ESPNL: variants seen among roughly 807,000 people sequenced by gnomAD.
The protein encoded by ESPNL is espin like, also known as espin-like protein.
A neutral mutation model predicts 46.8 loss-of-function variants in ESPNL; 49 were observed. The ratio of observed to expected loss-of-function variants is 1.05; its 90% CI spans 0.83 to 1.33. The LOEUF (loss-of-function observed/expected upper bound fraction) is 1.33, where lower values mean the gene tolerates loss of function less well. Ranked by LOEUF, ESPNL falls within the 40% of genes most tolerant of loss-of-function variation. The probability of loss-of-function intolerance (pLI) is 0.00; values close to 1 mark genes in which losing one functional copy is unlikely to be tolerated. For missense variants in ESPNL, 1,540 were observed against 1,436.6 expected, an observed-to-expected ratio of 1.07 and a Z score of -1.16; for synonymous variants, 664 against 662.1, an observed-to-expected ratio of 1.00 and a Z score of -0.04.
At chr2:238,124,599 ACGTGTGTGTGCAGGAGGGTACATG>A (rs1285773669) in intron 5 of ESPNL, among the ~76,000 whole-genome samples, 1 of 149,000 alleles carries the variant, frequency 6.7e-6, no homozygotes. Flanking sequence ...AGGAGAGTGT[ACGTGTGTGTGCAGGAGGGTACATG>A]CGTGTGTGTG....
At chr2:238,105,138 A>T (rs1026233116) in intron 3 of ESPNL, among the ~76,000 whole-genome samples, 5 of 152,136 alleles carry the variant, frequency 3.3e-5, no homozygotes, top group Non-Finnish European at 4.4e-5. Flanking sequence ...GTGCTCTCAC[A>T]GTTGGTGGTG....
At position 238,129,687 on chromosome 2, in the gene ESPNL, G is replaced by A. The variant is rs544771954; in HGVS notation, c.1414-441G>A. ...CAAGATGATTGAGTTCTGTGCCCCC[G>A]GCCCAGCGCTGTGTCCAGCGCAATC... On this transcript the variant is annotated intron_variant, in intron 8 of 8. Transcript: ENST00000343063. 3.9e-4 allele frequency among the ~76,000 whole-genome samples: 60 copies of A among 152,354 alleles called. 1 individual carries two copies. The highest frequency in any genetic ancestry group is 1.0e-3 in the African/African-American group (42 of 41,572).
chr2:238,100,615 C>A lies in ESPNL; in HGVS notation c.196C>A (p.Arg66=). 1 of 1,501,186 alleles carries A rather than the reference C, an allele frequency of 6.7e-7. No individual in the cohort carries two copies. The highest frequency in any genetic ancestry group is 1.3e-5 in the South Asian group (1 of 75,378). 93.0% of individuals were successfully genotyped at this position (1,501,186 alleles called of 1,614,324 possible). ...VQRAQLPGNQ[R]AHNGATPAHD... ...GCGGGCCCAGCTGCCCGGCAACCAGCGGGCCCACAACGGGGCCACCCCAGC... is the reference window on the plus strand; with the variant it reads ...GCGGGCCCAGCTGCCCGGCAACCAGAGGGCCCACAACGGGGCCACCCCAGC... Residue 66 remains arginine (R), a synonymous_variant, in exon 1 of 9, where the codon CGG becomes AGG. Coordinates refer to ENST00000343063, the MANE Select transcript of ESPNL (RefSeq NM_194312.4).
intron 4 of ESPNL, 23 bp from the exon 5 acceptor site, chr2:238,116,880 C>T (rs765945041): frequency 1.2e-6 from 2 of 1,610,170 alleles, no homozygotes; most frequent in East Asian, 2.2e-5. Context: ...TGGTGGGTCA[C>T]ATGTGTGCCC....
At chr2:238,104,431 C>T (rs1256102125) in intron 2 of ESPNL, among the ~76,000 whole-genome samples, 1 of 152,208 alleles carries the variant, frequency 6.6e-6, no homozygotes, top group African/African-American at 2.4e-5. Context: ...GTGTTTCAGA[C>T]CTGGACCCAG....
intron 5 of ESPNL, among the ~76,000 whole-genome samples, chr2:238,120,615 G>A (rs994463818): frequency 6.6e-5 from 10 of 152,350 alleles, no homozygotes; most frequent in East Asian, 5.8e-4. Context: ...ACCCAACCCC[G>A]GGGCCTTCCC....
chr2:238,101,928 C>G lies in ESPNL; in HGVS notation c.295-13C>G. On this transcript the variant is annotated splice_polypyrimidine_tract_variant and intron_variant, in intron 1 of 8. Coordinates refer to ENST00000343063, the MANE Select transcript of ESPNL (RefSeq NM_194312.4). ...CCTACCCCCCACTCACTGACCTACC[C>G]GGGGCTTGGTAGGACCAAGATGCCT... 5 of 1,599,860 alleles carry G rather than the reference C, an allele frequency of 3.1e-6. No individual in the cohort carries two copies. Among genetic ancestry groups the G allele is most frequent in the Non-Finnish European group, 4.3e-6 (5 of 1,175,266 alleles).
intron 5 of ESPNL, among the ~76,000 whole-genome samples, chr2:238,124,718 C>T (rs67807778): frequency 0.36 from 49,716 of 137,580 alleles, 9,406 homozygotes; most frequent in African/African-American, 0.51. Flanking sequence ...CAGGAGAGTA[C>T]GTGCATGTGT....
rs757118237 is a variant in ESPNL at position 238,131,019 on chromosome 2, C to T, written c.2305C>T (p.Arg769Cys). Residue 769 changes from arginine (R) to cysteine (C), a missense_variant, in exon 9 of 9, where the codon CGC (arginine) becomes TGC (cysteine). Arg to Cys is a radical substitution (Grantham distance 180). Transcript: ENST00000343063. ...KTVACRTLGARHAGLRGQEAA... is the reference protein window; with the variant it reads ...KTVACRTLGACHAGLRGQEAA... ...AGTGGCCTGCAGGACCCTAGGAGCC[C>T]GCCACGCGGGGTTGCGGGGCCAGGA... 5.3e-5 allele frequency: 81 copies of T among 1,541,254 alleles called. No homozygotes were observed. The highest frequency in any genetic ancestry group is 4.1e-4 in the Middle Eastern group (2 of 4,884).
chr2:238,124,686 G>C (rs1423210665), intron 5 of ESPNL, among the ~76,000 whole-genome samples: 1 of 100,742 alleles, frequency 9.9e-6, no homozygotes, highest in Non-Finnish European at 2.1e-5. Context: ...TGTGTGTGCA[G>C]GAGAGTACGT....
At chr2:238,121,616 T>C (rs2106474282) in intron 5 of ESPNL, among the ~76,000 whole-genome samples, 1 of 152,370 alleles carries the variant, frequency 6.6e-6, no homozygotes, top group African/African-American at 2.4e-5. Context: ...CAGGCTGGTC[T>C]TGAGCTCCTG....
chr2:238,130,087 G>C, intron 8 of ESPNL, 41 bp from the exon 9 acceptor site: 1 of 1,574,782 alleles, frequency 6.4e-7, no homozygotes, highest in East Asian at 2.3e-5. Flanking sequence ...GATGGTGGGT[G>C]GGTGGGCTCA....
intron 7 of ESPNL, 114 bp downstream of exon 7, chr2:238,127,848 G>T: frequency 1.3e-6 from 1 of 766,116 alleles, no homozygotes. Flanking sequence ...CCTGAAGGGT[G>T]GATGCCAGGC....
intron 4 of ESPNL, among the ~76,000 whole-genome samples, chr2:238,110,685 G>GATA: frequency 2.0e-5 from 2 of 98,534 alleles, no homozygotes; most frequent in Non-Finnish European, 4.6e-5. Context: ...GATGCCATAT[G>GATA]TTACCGAGTT....
Position 238,100,482 on chromosome 2 carries a change from G to A in ESPNL, c.63G>A (p.Leu21=). The change falls in exon 1 of 9, where the codon CTG becomes CTA. Residue 21 remains leucine (L), a synonymous_variant. Coordinates refer to ENST00000343063, the MANE Select transcript of ESPNL (RefSeq NM_194312.4). ...KDGDVATLER[L]LEAGALGPGI... ...GGGATGTGGCGACGTTGGAGCGGCT[G>A]CTGGAGGCTGGCGCCCTGGGCCCGG... 1 of 1,601,238 alleles carries A rather than the reference G, an allele frequency of 6.2e-7. No individual in the cohort carries two copies. The highest frequency in any genetic ancestry group is 2.3e-5 in the East Asian group (1 of 44,322).
chr2:238,115,644 G>A (rs1691799372), intron 4 of ESPNL, among the ~76,000 whole-genome samples: 1 of 152,268 alleles, frequency 6.6e-6, no homozygotes, highest in Non-Finnish European at 1.5e-5. Flanking sequence ...AGGCACTGCA[G>A]TCCAGAGAGG....
chr2:238,124,665 G>A (rs556212630), intron 5 of ESPNL, among the ~76,000 whole-genome samples: 27 of 149,698 alleles, frequency 1.8e-4, no homozygotes, highest in African/African-American at 6.4e-4. Flanking sequence ...GTGCAGGAGA[G>A]TGTACATGTG....
At chr2:238,110,072 G>A (rs113327172) in intron 4 of ESPNL, among the ~76,000 whole-genome samples, 13 of 150,102 alleles carry the variant, frequency 8.7e-5, no homozygotes, top group African/African-American at 2.2e-4. Flanking sequence ...GATGCCACAC[G>A]TTACCGAGTG....
chr2:238,129,013 G>T (rs1692213498), intron 8 of ESPNL, 109 bp downstream of exon 8: 44 of 1,450,218 alleles, frequency 3.0e-5, no homozygotes, highest in Non-Finnish European at 4.0e-5. Flanking sequence ...AAGACCCAGG[G>T]GCCCCTCTCC....
Sources: allele counts gnomAD v4.1 joint callset (sites outside exome capture counted in the v4.1 genomes callset), GRCh38; gene constraint gnomAD v4.1.1; transcripts MANE v1.5; gene names NCBI Gene and HGNC (gene_info 2026-07-23, HGNC 2026-07-21).